The following CHRND variants were observed in gnomAD, a reference collection of about 807,000 sequenced individuals.
The protein encoded by CHRND is acetylcholine receptor subunit delta.
CHRND carries 40 observed loss-of-function variants against 57.8 expected under a neutral mutation model. That is an observed-to-expected ratio of 0.69 (90% CI 0.54 to 0.90). The LOEUF is 0.90. Among genes scored for constraint, CHRND ranks in the 40% least tolerant of loss-of-function variants. CHRND has a pLI of 0.00. For missense variants in CHRND, 634 were observed against 673.9 expected (o/e 0.94, Z 0.66); for synonymous variants, 237 against 270.6 (o/e 0.88, Z 1.22).
At chr2:232,530,249 T>G (rs1045639164) in intron 7 of CHRND, 110 bp downstream of exon 7, 13 of 1,135,990 alleles carry the variant, frequency 1.1e-5, no homozygotes, top group Non-Finnish European at 1.6e-5. Flanking sequence ...GGGTCTCCAT[T>G]CCTGGAGCTC....
At chr2:232,528,827 G>A in intron 5 of CHRND, 35 bp from the exon 6 acceptor site, 5 of 1,594,150 alleles carry the variant, frequency 3.1e-6, no homozygotes, top group Non-Finnish European at 3.4e-6. Flanking sequence ...CCAGCCACTG[G>A]CCGAGTGTCA....
Position 232,534,302 on chromosome 2 carries a change from T to G in CHRND, c.1331T>G (p.Phe444Cys), listed in dbSNP as rs1324359874. 1 of 1,614,076 alleles carries G rather than the reference T, an allele frequency of 6.2e-7. No homozygotes were observed. Among genetic ancestry groups the G allele is most frequent in the African/African-American group, 1.3e-5 (1 of 74,920 alleles). The change falls in exon 11 of 12, where the codon TTC becomes TGC. Residue 444 changes from phenylalanine to cysteine, a missense_variant. Phe to Cys is a radical substitution (Grantham distance 205). Transcript: ENST00000258385. The stretch of plus-strand genomic sequence containing the variant: ...AAGCCAGCTGTGGATGGGGCAAACT[T>G]CATTGTTAACCACATGAGGGACCAG... ...ELKPAVDGAN[F>C]IVNHMRDQNN...
At chr2:232,526,823 G>C (rs1193681451) in intron 2 of CHRND, 149 bp downstream of exon 2, 1 of 820,156 alleles carries the variant, frequency 1.2e-6, no homozygotes, top group Non-Finnish European at 2.0e-6. Context: ...TGCCCTGAGA[G>C]GCTGCTGTCC....
In CHRND at chr2:232,536,181, G is replaced by A. The variant is rs1416071416; in HGVS notation, c.*869G>A. ...CAAGGCTGCAGGAATTGGGAGACAA[G>A]GGTCTGTTTGTATGGTGGTCCACCT... On this transcript the variant is annotated 3_prime_UTR_variant, in exon 12 of 12. Coordinates refer to ENST00000258385, the MANE Select transcript of CHRND (RefSeq NM_000751.3). The A allele has an allele frequency of 2.2e-6, 1 of 454,164 alleles. No homozygotes were observed. The highest frequency in any genetic ancestry group is 2.3e-5 in the Admixed American group (1 of 42,578). 28.1% of individuals were successfully genotyped at this position (454,164 alleles called of 1,614,324 possible).
chr2:232,535,154 G>A lies in CHRND; in HGVS notation c.1396G>A (p.Ala466Thr). 6.2e-7 allele frequency: 1 copy of A among 1,614,176 alleles called. No individual in the cohort carries two copies. The highest frequency in any genetic ancestry group is 2.2e-5 in the East Asian group (1 of 44,890). ...NEEKDSWNRV[A>T]RTVDRLCLFV... ...GGAGAAAGACAGCTGGAACCGAGTGGCCCGCACAGTGGACCGCCTCTGCCT... is the reference window on the plus strand; with the variant it reads ...GGAGAAAGACAGCTGGAACCGAGTGACCCGCACAGTGGACCGCCTCTGCCT... The change falls in exon 12 of 12, where the codon GCC (alanine) becomes ACC (threonine). Residue 466 changes from alanine to threonine, a missense_variant. Ala to Thr is a moderately conservative substitution (Grantham distance 58). Transcript: ENST00000258385.
chr2:232,526,448 T>G, intron 1 of CHRND, 81 bp from the exon 2 acceptor site: 1 of 1,604,230 alleles, frequency 6.2e-7, no homozygotes, highest in South Asian at 1.1e-5. Flanking sequence ...AACCTCATGG[T>G]CCAGCAGGAC....
At chr2:232,528,741 GCC>G (rs751446547) in intron 5 of CHRND, 85 bp downstream of exon 5, 223 of 1,592,646 alleles carry the variant, frequency 1.4e-4, no homozygotes, top group Non-Finnish European at 1.8e-4. Flanking sequence ...TCAGACAGAG[GCC>G]CCTGCCCTGT....
intron 1 of CHRND, 48 bp from the exon 2 acceptor site, chr2:232,526,481 G>A: frequency 1.9e-6 from 3 of 1,612,552 alleles, no homozygotes; most frequent in Non-Finnish European, 2.5e-6. Flanking sequence ...TCCTTCCTGA[G>A]TCCCCTGCCC....
chr2:232,528,908 G>A lies in CHRND; in HGVS notation c.556G>A (p.Asp186Asn). 3.1e-6 allele frequency: 5 copies of A among 1,614,108 alleles called. No individual in the cohort carries two copies. The highest frequency in any genetic ancestry group is 4.2e-6 in the Non-Finnish European group (5 of 1,180,018). Residue 186 changes from aspartate to asparagine, a missense_variant, in exon 6 of 12, where the codon GAT becomes AAT. Transcript: ENST00000258385. ...AGAGATCACCCTGAGCCTGAAACAGGATGCCAAGGAGAACCGCACCTACCC... is the reference window on the plus strand; with the variant it reads ...AGAGATCACCCTGAGCCTGAAACAGAATGCCAAGGAGAACCGCACCTACCC... ...AKEITLSLKQDAKENRTYPVE... is the reference protein window; with the variant it reads ...AKEITLSLKQNAKENRTYPVE...
At chr2:232,527,510 C>A in intron 3 of CHRND, 65 bp downstream of exon 3, 1 of 1,225,796 alleles carries the variant, frequency 8.2e-7, no homozygotes, top group Non-Finnish European at 1.2e-6. Flanking sequence ...TTTGGAAGGC[C>A]GAGGGGGGTG....
At position 232,535,611 on chromosome 2, in the gene CHRND, C is replaced by G. The variant is rs1327003801; in HGVS notation, c.*299C>G. On this transcript the variant is annotated 3_prime_UTR_variant, in exon 12 of 12. Coordinates refer to ENST00000258385, the MANE Select transcript of CHRND (RefSeq NM_000751.3). Reference sequence around the variant, plus strand: ...ACTCAGGGTGGCCTCAGGGGGAGAGCTCTGATAGGGGTGAGACAGATAGGG... The same window carrying G: ...ACTCAGGGTGGCCTCAGGGGGAGAGGTCTGATAGGGGTGAGACAGATAGGG... The G allele has an allele frequency of 1.7e-6, 1 of 587,438 alleles. No homozygotes were observed. 36.4% of individuals were successfully genotyped at this position (587,438 alleles called of 1,614,324 possible).
Position 232,528,969 on chromosome 2 carries a change from C to G in CHRND, c.617C>G (p.Thr206Arg). The change falls in exon 6 of 12, where the codon ACA becomes AGA. Residue 206 changes from threonine (T) to arginine (R), a missense_variant and splice_region_variant. Transcript: ENST00000258385. ...EWIIIDPEGF[T>R]ENGEWEIVHR... ...ATCATCATTGATCCTGAAGGCTTCA[C>G]AGGTGCTGGGAACAGCCGCCAGTGG... The G allele has an allele frequency of 6.2e-7, 1 of 1,613,464 alleles. No homozygotes were observed. The highest frequency in any genetic ancestry group is 8.5e-7 in the Non-Finnish European group (1 of 1,179,484).
chr2:232,534,312 C>T lies in CHRND; in HGVS notation c.1341C>T (p.Asn447=). ...PAVDGANFIV[N]HMRDQNNYNE... ...TGGATGGGGCAAACTTCATTGTTAA[C>T]CACATGAGGGACCAGAACAATTACA... Residue 447 remains asparagine (N), a synonymous_variant, in exon 11 of 12, where the codon AAC becomes AAT. Transcript: ENST00000258385. 1 of 1,614,206 alleles carries T rather than the reference C, an allele frequency of 6.2e-7. No homozygotes were observed. The highest frequency in any genetic ancestry group is 2.2e-5 in the East Asian group (1 of 44,878).
At chr2:232,530,518 G>A (rs570651312) in intron 7 of CHRND, among the ~76,000 whole-genome samples, 97 of 152,360 alleles carry the variant, frequency 6.4e-4, no homozygotes, top group Middle Eastern at 6.8e-3. Context: ...CTCTAGGACA[G>A]TAGGGTGTGA....
Position 232,528,248 on chromosome 2 carries a change from C to A in CHRND, c.244-14C>A. ...GCTGCAGAGTGCACTGGTGACATGC[C>A]TTTGGGATTCCAGGGCTGGACAGAC... On this transcript the variant is annotated splice_polypyrimidine_tract_variant and intron_variant, in intron 3 of 11. Transcript: ENST00000258385. The A allele has an allele frequency of 2.5e-6, 4 of 1,613,578 alleles. No individual in the cohort carries two copies. The highest frequency in any genetic ancestry group is 3.4e-6 in the Non-Finnish European group (4 of 1,179,518).
chr2:232,534,664 A>G (rs1344570461), intron 11 of CHRND, among the ~76,000 whole-genome samples: 1 of 152,212 alleles, frequency 6.6e-6, no homozygotes, highest in African/African-American at 2.4e-5. Flanking sequence ...CTGATACTCC[A>G]GACAGAACCA....
rs1559294895 is a variant in CHRND at position 232,528,960 on chromosome 2, A to C, written c.608A>C (p.Glu203Ala). ...YPVEWIIIDPEGFTENGEWEI... is the reference protein window; with the variant it reads ...YPVEWIIIDPAGFTENGEWEI... ...GTGGAGTGGATCATCATTGATCCTGAAGGCTTCACAGGTGCTGGGAACAGC... is the reference window on the plus strand; with the variant it reads ...GTGGAGTGGATCATCATTGATCCTGCAGGCTTCACAGGTGCTGGGAACAGC... Residue 203 changes from glutamate (E) to alanine (A), a missense_variant, in exon 6 of 12, where the codon GAA becomes GCA. Coordinates refer to ENST00000258385, the MANE Select transcript of CHRND (RefSeq NM_000751.3). 6.2e-7 allele frequency: 1 copy of C among 1,613,736 alleles called. No individual in the cohort carries two copies.
intron 6 of CHRND, 73 bp downstream of exon 6, chr2:232,529,044 A>T (rs1574631229): frequency 2.0e-6 from 2 of 1,011,762 alleles, no homozygotes; most frequent in East Asian, 2.4e-5. Context: ...TGTCCACCCC[A>T]GAGACACACA....
In CHRND at chr2:232,536,557, T is replaced by C. The variant is rs1382125387; in HGVS notation, c.*1245T>C. ...AGATCACAGCCCAGTAGACATCTTA[T>C]GTGCAGCCCCATGAAAGTCCCTAAG... is the stretch of plus-strand genomic sequence containing the variant. On this transcript the variant is annotated 3_prime_UTR_variant, in exon 12 of 12. Coordinates refer to ENST00000258385, the MANE Select transcript of CHRND (RefSeq NM_000751.3). 6 of 425,480 alleles carry C rather than the reference T, an allele frequency of 1.4e-5. No individual in the cohort carries two copies. Among genetic ancestry groups the C allele is most frequent in the Non-Finnish European group, 2.9e-5 (6 of 210,228 alleles). The allele number at this position is 425,480 out of a possible 1,614,324, so 26.4% of individuals were successfully genotyped here.
Sources: gnomAD v4.1 joint callset for allele counts (sites outside exome capture counted in the v4.1 genomes callset) on GRCh38, gnomAD v4.1.1 for gene constraint, MANE v1.5 for transcripts, NCBI Gene and HGNC (gene_info 2026-07-23, HGNC 2026-07-21) for gene names.